The following PKIB variants were observed in gnomAD, a reference collection of about 807,000 sequenced individuals.
PKIB encodes PKI-beta.
A neutral mutation model predicts 4.5 loss-of-function variants in PKIB; 2 were observed. The observed-to-expected ratio is 0.44, with a 90% CI of 0.18 to 1.39. The LOEUF (loss-of-function observed/expected upper bound fraction) is 1.39. Ranked by LOEUF, PKIB falls within the 40% of genes most tolerant of loss-of-function variation. The pLI, the probability that PKIB is intolerant of heterozygous loss-of-function variation, is 0.27. For synonymous variants in PKIB, 38 were observed against 36.0 expected (o/e 1.06, Z -0.20); for missense variants, 94 against 92.6 (o/e 1.02, Z -0.06).
At chr6:122,496,953 A>G (rs1776090949) in intron 2 of PKIB, among the ~76,000 whole-genome samples, 1 of 152,212 alleles carries the variant, frequency 6.6e-6, no homozygotes, top group Non-Finnish European at 1.5e-5. Flanking sequence ...ATGCTAAAGA[A>G]AAAACTTGAA....
chr6:122,622,637 G>A (rs2114793374), intron 1 of PKIB, among the ~76,000 whole-genome samples: 1 of 152,264 alleles, frequency 6.6e-6, no homozygotes, highest in South Asian at 2.1e-4. Context: ...CCATGGATCA[G>A]TCATAAGGGG....
chr6:122,597,255 CAA>C (rs1774207742), intron 3 of PKIB, among the ~76,000 whole-genome samples: 1 of 152,186 alleles, frequency 6.6e-6, no homozygotes, highest in Admixed American at 6.5e-5. Flanking sequence ...GAAAAGTGAT[CAA>C]AGTCTCTCTG....
chr6:122,544,044 T>A (rs1467919061), intron 2 of PKIB, among the ~76,000 whole-genome samples: 4 of 152,012 alleles, frequency 2.6e-5, no homozygotes, highest in African/African-American at 9.7e-5. Flanking sequence ...ACTAACTCTA[T>A]GACAAAACTC....
intron 2 of PKIB, among the ~76,000 whole-genome samples, chr6:122,563,593 C>T (rs187911793): frequency 6.6e-5 from 10 of 152,094 alleles, no homozygotes; most frequent in African/African-American, 2.4e-4. Flanking sequence ...GGGGGCAGGA[C>T]TAGGCATGTC....
chr6:122,640,106 T>C (rs543498379), intron 2 of PKIB, among the ~76,000 whole-genome samples: 26 of 152,118 alleles, frequency 1.7e-4, no homozygotes, highest in African/African-American at 5.3e-4. Flanking sequence ...GAGAAAAAAA[T>C]AATGAGTGTA....
intron 3 of PKIB, among the ~76,000 whole-genome samples, chr6:122,694,362 T>C (rs374970651): frequency 6.6e-6 from 1 of 152,222 alleles, no homozygotes; most frequent in African/African-American, 2.4e-5. Flanking sequence ...GGAAACACTG[T>C]CCTGGTTTAA....
At chr6:122,487,355 T>C (rs755292912) in intron 2 of PKIB, among the ~76,000 whole-genome samples, 7 of 152,304 alleles carry the variant, frequency 4.6e-5, no homozygotes, top group Middle Eastern at 6.8e-3. Flanking sequence ...TCATCTGATA[T>C]TTCTTTGTGA....
intron 2 of PKIB, among the ~76,000 whole-genome samples, chr6:122,521,276 C>T (rs921508335): frequency 6.6e-6 from 1 of 152,162 alleles, no homozygotes; most frequent in African/African-American, 2.4e-5. Flanking sequence ...GGAGCTTCTT[C>T]TTGGTCCAAC....
chr6:122,684,132 A>G (rs1181483633), intron 3 of PKIB, among the ~76,000 whole-genome samples: 1 of 152,170 alleles, frequency 6.6e-6, no homozygotes, highest in Non-Finnish European at 1.5e-5. Flanking sequence ...CACTTTAAAT[A>G]ATCAGATTTG....
intron 3 of PKIB, among the ~76,000 whole-genome samples, chr6:122,603,791 T>C (rs76930625): frequency 7.4e-4 from 112 of 152,308 alleles, no homozygotes; most frequent in African/African-American, 2.6e-3. Context: ...TTCAACTACA[T>C]TTTTTACAGG....
At chr6:122,634,738 A>T (rs764499573) in intron 2 of PKIB, among the ~76,000 whole-genome samples, 2 of 152,288 alleles carry the variant, frequency 1.3e-5, no homozygotes, top group Non-Finnish European at 2.9e-5. Context: ...TTTTACTTTG[A>T]TGTGAAAATT....
intron 3 of PKIB, among the ~76,000 whole-genome samples, chr6:122,716,605 G>T (rs1049672889): frequency 2.1e-5 from 3 of 140,758 alleles, no homozygotes; most frequent in Non-Finnish European, 4.6e-5. Context: ...AGCTCAATTT[G>T]CATTTCTTGC....
At chr6:122,527,163 G>A (rs1428273982) in intron 2 of PKIB, among the ~76,000 whole-genome samples, 1 of 152,108 alleles carries the variant, frequency 6.6e-6, no homozygotes, top group East Asian at 1.9e-4. Context: ...TGAGGATCTT[G>A]CTCTTGATTA....
At chr6:122,606,568 T>A, upstream of PKIB, among the ~76,000 whole-genome samples, 2 of 1,590 alleles carry the variant, frequency 1.3e-3, no homozygotes, top group Admixed American at 4.0e-3. Context: ...TGAGACTCTG[T>A]CTCAAAAAAG....
intron 2 of PKIB, among the ~76,000 whole-genome samples, chr6:122,672,700 T>A (rs1777515208): frequency 6.6e-6 from 1 of 151,782 alleles, no homozygotes; most frequent in Admixed American, 6.6e-5. Context: ...TTATTTTTAA[T>A]GTCTGTTAAT....
chr6:122,566,066 A>G (rs755636948), intron 2 of PKIB, among the ~76,000 whole-genome samples: 3 of 149,776 alleles, frequency 2.0e-5, no homozygotes, highest in Admixed American at 6.6e-5. Flanking sequence ...TTTTTTTTTC[A>G]AGTACTGAGC....
intron 3 of PKIB, among the ~76,000 whole-genome samples, chr6:122,705,398 T>G (rs1172620545): frequency 6.6e-6 from 1 of 152,166 alleles, no homozygotes; most frequent in Non-Finnish European, 1.5e-5. Context: ...CTTTACTTTT[T>G]CCTTTCTTTT....
intron 2 of PKIB, among the ~76,000 whole-genome samples, chr6:122,653,046 C>A (rs1776624912): frequency 6.6e-6 from 1 of 152,050 alleles, no homozygotes; most frequent in Non-Finnish European, 1.5e-5. Context: ...TGTATTGCTG[C>A]CTGTGCAGGG....
At chr6:122,538,425 T>A (rs1424120424) in intron 2 of PKIB, among the ~76,000 whole-genome samples, 1 of 152,174 alleles carries the variant, frequency 6.6e-6, no homozygotes, top group African/African-American at 2.4e-5. Context: ...GCACCATTTA[T>A]TAAATAGGGA....
Sources: gnomAD v4.1 joint callset for allele counts (sites outside exome capture counted in the v4.1 genomes callset) on GRCh38, gnomAD v4.1.1 for gene constraint, MANE v1.5 for transcripts, NCBI Gene and HGNC (gene_info 2026-07-23, HGNC 2026-07-21) for gene names.